The following PPP2R2D variants were observed in gnomAD, a reference collection of about 807,000 sequenced individuals.
PPP2R2D encodes serine/threonine-protein phosphatase 2A 55 kDa regulatory subunit B delta isoform.
PPP2R2D carries 9 observed loss-of-function variants against 31.1 expected under a neutral mutation model. The ratio of observed to expected loss-of-function variants is 0.29; its 90% confidence interval spans 0.17 to 0.51. The LOEUF is 0.51. Among genes scored for constraint, PPP2R2D ranks in the 20% least tolerant of loss-of-function variants. The pLI, the probability that PPP2R2D is intolerant of heterozygous loss-of-function variation, is 0.98. For synonymous variants in PPP2R2D, 179 were observed against 172.6 expected (o/e 1.04, Z -0.29); for missense variants, 391 against 465.6 (o/e 0.84, Z 1.48).
chr10:131,927,587 G>A (rs1360312528), intron 2 of PPP2R2D, among the ~76,000 whole-genome samples: 1 of 152,080 alleles, frequency 6.6e-6, no homozygotes, highest in Non-Finnish European at 1.5e-5. Context: ...GCCCAGCAAA[G>A]ACCCCCAGTA....
rs544611549 is a variant in PPP2R2D, at chr10:131,952,979, G to C, written c.1083-2705G>C. On this transcript the variant is annotated intron_variant, in intron 8 of 8. Coordinates refer to ENST00000455566, the MANE Select transcript of PPP2R2D (RefSeq NM_018461.5). Reference sequence around the variant, plus strand: ...ACTTGCGAGTGTGCGGGGGTTCACTGTCTTAGTGACTTGCGGGTGTGCAGG... The same window carrying C: ...ACTTGCGAGTGTGCGGGGGTTCACTCTCTTAGTGACTTGCGGGTGTGCAGG... Among the ~76,000 whole-genome samples the C allele has an allele frequency of 1.1e-3, 121 of 109,486 alleles. 3 individuals carry two copies. The highest frequency in any genetic ancestry group is 4.2e-3 in the African/African-American group (112 of 26,606). 71.8% of individuals were successfully genotyped at this position (109,486 alleles called of 152,430 possible).
At chr10:131,970,770 T>C in the PPP2R2D span, 1 of 1,614,136 alleles carries the variant, frequency 6.2e-7, no homozygotes, top group South Asian at 1.1e-5. The surrounding 1 kb of genome is among the most constrained non-coding windows in gnomAD (Gnocchi z 4.1). Flanking sequence ...GCGCTTCGGG[T>C]GTTTAAAGAG....
Position 131,958,854 on chromosome 10 carries a change from GGCGTGTGCTGATCCGCCATCCC to G in PPP2R2D, c.*2892_*2913del, listed in dbSNP as rs2120094242. The G allele has an allele frequency of 5.1e-6, 1 of 197,404 alleles. No homozygotes were observed. Among genetic ancestry groups the G allele is most frequent in the African/African-American group, 2.7e-5 (1 of 36,628 alleles). The allele number at this position is 197,404 out of a possible 1,614,324, so 12.2% of individuals were successfully genotyped here. A position where few individuals can be genotyped will look rare whatever the true frequency, so the allele number is the denominator to read the frequency against. Reference sequence around the variant, plus strand: ...TCCCCCATCCCCCTGTGGAGATGAAGGCGTGTGCTGATCCGCCATCCCACTGTGGAGATGAAGGCGTGTGCTG... The same window carrying G: ...TCCCCCATCCCCCTGTGGAGATGAAGACTGTGGAGATGAAGGCGTGTGCTG... On this transcript the variant is annotated 3_prime_UTR_variant, in exon 9 of 9. Coordinates refer to ENST00000455566, the MANE Select transcript of PPP2R2D (RefSeq NM_018461.5).
chr10:131,909,633 A>G (rs1364695118), intron 2 of PPP2R2D, among the ~76,000 whole-genome samples: 1 of 152,212 alleles, frequency 6.6e-6, no homozygotes, highest in Non-Finnish European at 1.5e-5. Context: ...GCATGCCTAC[A>G]GAAAACAGGC....
chr10:131,970,159 CAA>C, the PPP2R2D span: 617 of 161,244 alleles, frequency 3.8e-3, 5 homozygotes, highest in African/African-American at 0.014. This position sits in a 1 kb window ranked among gnomAD's most constrained non-coding sequence, Gnocchi z 4.1. Context: ...GCCTGGGCAA[CAA>C]GAGCGAAACT....
intron 2 of PPP2R2D, among the ~76,000 whole-genome samples, chr10:131,931,781 T>C (rs781876610): frequency 6.6e-6 from 1 of 152,216 alleles, no homozygotes; most frequent in Non-Finnish European, 1.5e-5. Flanking sequence ...TGGTTGGCCA[T>C]GTCCTTGTAA....
chr10:131,934,694 C>G (rs782260439), intron 3 of PPP2R2D, 139 bp downstream of exon 3: 67 of 657,108 alleles, frequency 1.0e-4, no homozygotes, highest in Admixed American at 2.5e-4. Context: ...TACAGAATCT[C>G]CTTTCAGAAA....
At chr10:131,943,664 C>G (rs944979151) in intron 5 of PPP2R2D, among the ~76,000 whole-genome samples, 5 of 152,178 alleles carry the variant, frequency 3.3e-5, no homozygotes, top group Non-Finnish European at 7.3e-5. Context: ...CTGGAGGACA[C>G]ACAGGAGAGG....
chr10:131,924,866 C>T (rs1453349381), intron 2 of PPP2R2D, among the ~76,000 whole-genome samples: 1 of 151,566 alleles, frequency 6.6e-6, no homozygotes, highest in African/African-American at 2.4e-5. Flanking sequence ...ATGTACAAAT[C>T]TTGTCATTCT....
chr10:131,909,449 C>G (rs2035648320), intron 2 of PPP2R2D, among the ~76,000 whole-genome samples: 1 of 152,176 alleles, frequency 6.6e-6, no homozygotes, highest in South Asian at 2.1e-4. Flanking sequence ...TGGGCTTACT[C>G]TAGTTTCGGG....
downstream of PPP2R2D, among the ~76,000 whole-genome samples, chr10:131,963,243 TC>T (rs1165314203): frequency 1.3e-5 from 2 of 152,214 alleles, no homozygotes; most frequent in African/African-American, 2.4e-5. Flanking sequence ...CCAAGAACTT[TC>T]AGGGGAAATT....
rs2036801749 is a variant in PPP2R2D at position 131,956,457 on chromosome 10, A to G, written c.*494A>G. 1.0e-6 allele frequency: 1 copy of G among 985,494 alleles called. No homozygotes were observed. The highest frequency in any genetic ancestry group is 1.2e-6 in the Non-Finnish European group (1 of 830,096). The allele number at this position is 985,494 out of a possible 1,614,324, so 61.0% of individuals were successfully genotyped here. On this transcript the variant is annotated 3_prime_UTR_variant, in exon 9 of 9. Transcript: ENST00000455566. ...GTGTGGATGTGGCCCGAGCAGGCTC[A>G]GGCGGCCCCACTCACCCACAGCATC...
intron 7 of PPP2R2D, among the ~76,000 whole-genome samples, chr10:131,946,940 C>T (rs531975062): frequency 3.9e-5 from 6 of 152,020 alleles, no homozygotes; most frequent in East Asian, 1.9e-4. Flanking sequence ...CTTTGACCGG[C>T]GGGACCGTCT....
At chr10:131,934,854 AC>A (rs1554896224) in intron 3 of PPP2R2D, 1 of 483,154 alleles carries the variant, frequency 2.1e-6, no homozygotes, top group South Asian at 1.5e-5. Context: ...ATAAGAACTC[AC>A]GCGGCTCTCT....
chr10:131,951,677 C>T (rs1354815831), intron 8 of PPP2R2D, among the ~76,000 whole-genome samples: 2 of 152,064 alleles, frequency 1.3e-5, no homozygotes, highest in African/African-American at 4.8e-5. Context: ...AAAAATTAGC[C>T]GGACATGGTG....
At chr10:131,961,016 C>T (rs543415756), downstream of PPP2R2D, among the ~76,000 whole-genome samples, 2 of 152,248 alleles carry the variant, frequency 1.3e-5, no homozygotes, top group East Asian at 1.9e-4. Flanking sequence ...GTGCTGGGAT[C>T]GCCAAGGGAG....
At chr10:131,917,759 T>C (rs1554893451) in intron 2 of PPP2R2D, among the ~76,000 whole-genome samples, 1 of 115,716 alleles carries the variant, frequency 8.6e-6, no homozygotes, top group Admixed American at 8.7e-5. Context: ...TATAGGGACC[T>C]CAGGCGGGTG....
At chr10:131,967,461 CTG>C in the PPP2R2D span, 80 of 152,306 alleles carry the variant, frequency 5.3e-4, no homozygotes, top group African/African-American at 1.9e-3. Flanking sequence ...AAATGTAAGA[CTG>C]AGAGATGACT....
At position 131,946,917 on chromosome 10, in the gene PPP2R2D, C is replaced by G. The variant is rs546366163; in HGVS notation, c.821-613C>G. ...TGTATATTCAGTATTGGAGACAAAC[C>G]TTGGCTGGCTGGCTTTGACCGGCGG... On this transcript the variant is annotated intron_variant, in intron 7 of 8. Transcript: ENST00000455566. 5.3e-5 allele frequency among the ~76,000 whole-genome samples: 8 copies of G among 151,954 alleles called. No individual in the cohort carries two copies. The South Asian group carries it at 1.5e-3, about 28-fold the overall frequency.
Sources: gnomAD v4.1 joint callset for allele counts (sites outside exome capture counted in the v4.1 genomes callset) on GRCh38, gnomAD v4.1.1 for gene constraint, Gnocchi (gnomAD v3.1) non-coding constraint, MANE v1.5 for transcripts, NCBI Gene and HGNC (gene_info 2026-07-23, HGNC 2026-07-21) for gene names.